BAZ1B: variants seen among roughly 807,000 people sequenced by gnomAD.
The protein encoded by BAZ1B is tyrosine-protein kinase BAZ1B.
A neutral mutation model predicts 153.8 loss-of-function variants in BAZ1B; 22 were observed. That is an observed-to-expected ratio of 0.14 (90% confidence interval 0.10 to 0.20). The LOEUF is 0.20. Among genes scored for constraint, BAZ1B ranks in the 10% least tolerant of loss-of-function variants. The pLI, the probability that BAZ1B is intolerant of heterozygous loss-of-function variation, is 1.00. For missense variants in BAZ1B, 1,325 were observed against 1,799.3 expected, an observed-to-expected ratio of 0.74 and a Z score of 4.77; for synonymous variants, 676 against 633.4, an observed-to-expected ratio of 1.07 and a Z score of -1.01.
chr7:73,465,424 A>T lies in BAZ1B; in HGVS notation c.3071+15T>A, dbSNP rs782269830. On this transcript the variant is annotated intron_variant, in intron 11 of 19. Coordinates refer to ENST00000339594, the MANE Select transcript of BAZ1B (RefSeq NM_032408.4). ...AGAGAAGTAAGATGTGAGGAGTAAGATGAAAACCTCTTACCTCTTCTCTAG... is the reference window on the plus strand; with the variant it reads ...AGAGAAGTAAGATGTGAGGAGTAAGTTGAAAACCTCTTACCTCTTCTCTAG... The T allele has an allele frequency of 4.6e-6, 7 of 1,527,716 alleles. No homozygotes were observed. The Admixed American group carries it at 7.6e-5, about 17-fold the overall frequency. The allele number at this position is 1,527,716 out of a possible 1,614,324, so 94.6% of individuals were successfully genotyped here. A position where few individuals can be genotyped will look rare whatever the true frequency, so the allele number is the denominator to read the frequency against.
At chr7:73,462,429 T>G (rs1333255968) in intron 12 of BAZ1B, 1 of 162,206 alleles carries the variant, frequency 6.2e-6, no homozygotes, top group Non-Finnish European at 1.4e-5. Context: ...TGGGATCTTT[T>G]GAAAAGTTTC....
intron 1 of BAZ1B, among the ~76,000 whole-genome samples, chr7:73,517,035 T>C (rs563722447): frequency 1.0e-3 from 153 of 149,186 alleles, no homozygotes; most frequent in African/African-American, 3.6e-3. Context: ...TACAAAAAAT[T>C]AGCCAGGCGT....
chr7:73,469,078 C>T (rs1239629536), intron 9 of BAZ1B, among the ~76,000 whole-genome samples: 1 of 149,266 alleles, frequency 6.7e-6, no homozygotes, highest in Non-Finnish European at 1.5e-5. Flanking sequence ...TGCAGTGAGC[C>T]GAGATCACGC....
chr7:73,497,065 C>CAAAAAAAAAA (rs1156829240), intron 4 of BAZ1B, among the ~76,000 whole-genome samples: 6 of 49,518 alleles, frequency 1.2e-4, no homozygotes, highest in African/African-American at 4.4e-4. Flanking sequence ...CTGACCTCTA[C>CAAAAAAAAAA]AAAAAAAAAA....
chr7:73,455,887 C>A (rs1788180478), intron 13 of BAZ1B, among the ~76,000 whole-genome samples: 2 of 152,140 alleles, frequency 1.3e-5, no homozygotes, highest in Admixed American at 6.6e-5. Flanking sequence ...AAGTGAGAAA[C>A]TGAAGACTGT....
chr7:73,469,457 C>G (rs1180021306), intron 9 of BAZ1B, 60 bp downstream of exon 9: 1 of 1,594,258 alleles, frequency 6.3e-7, no homozygotes, highest in Non-Finnish European at 8.6e-7. Context: ...AAAAGCAGTC[C>G]TTAATGTTGA....
Position 73,459,708 on chromosome 7 carries a change from A to G in BAZ1B, c.3260T>C (p.Leu1087Ser), listed in dbSNP as rs782631168. Residue 1087 changes from leucine (L) to serine (S), a missense_variant, in exon 13 of 20, where the codon TTA (leucine) becomes TCA (serine). By Grantham distance (145) the Leu-to-Ser change is moderately radical. Transcript: ENST00000339594. ...TSEFEARVIS[L>S]EKLKDFGECV... is the part of the protein sequence containing the mutation. The stretch of plus-strand genomic sequence containing the variant: ...CTCACCAAAATCCTTCAATTTCTCT[A>G]ATGAAATGACCTATAGGAAAGGATT... 5 of 1,605,618 alleles carry G rather than the reference A, an allele frequency of 3.1e-6. No homozygotes were observed. The highest frequency in any genetic ancestry group is 3.4e-6 in the Non-Finnish European group (4 of 1,177,504).
At chr7:73,457,882 A>T (rs1393118391) in intron 13 of BAZ1B, among the ~76,000 whole-genome samples, 1 of 152,194 alleles carries the variant, frequency 6.6e-6, no homozygotes, top group Non-Finnish European at 1.5e-5. Flanking sequence ...GCTGGAAGGA[A>T]GGAGTGTTCA....
At chr7:73,470,897 G>C (rs114149474) in intron 7 of BAZ1B, among the ~76,000 whole-genome samples, 2,223 of 152,208 alleles carry the variant, frequency 0.015, 58 homozygotes, top group African/African-American at 0.051. Context: ...ACCGTGTCCA[G>C]CTAATTTTTA....
chr7:73,442,918 G>A lies in BAZ1B; in HGVS notation c.3991-90C>T. ...AAAATAAGTGTATCTGCTCAAAAAA[G>A]GAAGAGAGTTCAACTATTTCCTTGG... On this transcript the variant is annotated intron_variant, in intron 17 of 19. Transcript: ENST00000339594. 5.1e-6 allele frequency: 5 copies of A among 972,578 alleles called. No individual in the cohort carries two copies. The South Asian group carries it at 7.4e-5, about 14-fold the overall frequency. 60.2% of individuals were successfully genotyped at this position (972,578 alleles called of 1,614,324 possible).
At chr7:73,466,054 A>G (rs782675460) in intron 10 of BAZ1B, among the ~76,000 whole-genome samples, 7 of 152,238 alleles carry the variant, frequency 4.6e-5, no homozygotes, top group Non-Finnish European at 7.3e-5. Flanking sequence ...GATCTATCAC[A>G]TAATATACAA....
chr7:73,511,449 A>T (rs556401549), intron 1 of BAZ1B, among the ~76,000 whole-genome samples: 86 of 152,070 alleles, frequency 5.7e-4, no homozygotes, highest in African/African-American at 1.9e-3. Flanking sequence ...CAATCACTTG[A>T]GACCAGGAGT....
chr7:73,497,602 C>T (rs918006632), intron 4 of BAZ1B, among the ~76,000 whole-genome samples: 2 of 151,840 alleles, frequency 1.3e-5, no homozygotes, highest in Non-Finnish European at 2.9e-5. Context: ...TTCTAGGTTA[C>T]TCAGTTCGTC....
At chr7:73,492,741 C>T (rs1789702158) in intron 5 of BAZ1B, 59 bp downstream of exon 5, 1 of 1,479,506 alleles carries the variant, frequency 6.8e-7, no homozygotes, top group Non-Finnish European at 9.1e-7. Context: ...ACAAAAGCAA[C>T]CCTATGATAT....
intron 4 of BAZ1B, among the ~76,000 whole-genome samples, chr7:73,497,055 C>A (rs1338495329): frequency 1.5e-4 from 15 of 97,310 alleles, no homozygotes; most frequent in Non-Finnish European, 2.8e-4. Flanking sequence ...ATCGTGAGAA[C>A]TGACCTCTAC....
At chr7:73,442,152 TA>T in intron 19 of BAZ1B, 28 bp downstream of exon 19, 3 of 192,218 alleles carry the variant, frequency 1.6e-5, no homozygotes, top group Non-Finnish European at 2.0e-5. Context: ...CCACCCTCCC[TA>T]GCTGTCCCCC....
intron 3 of BAZ1B, among the ~76,000 whole-genome samples, chr7:73,506,349 A>G (rs1790340781): frequency 6.6e-6 from 1 of 151,900 alleles, no homozygotes; most frequent in South Asian, 2.1e-4. Context: ...ATACAAAAAA[A>G]TTAGCCGGGG....
Position 73,489,404 on chromosome 7 carries a change from G to T in BAZ1B, c.694-13C>A. 1 of 1,613,806 alleles carries T rather than the reference G, an allele frequency of 6.2e-7. No homozygotes were observed. The highest frequency in any genetic ancestry group is 1.3e-5 in the African/African-American group (1 of 75,004). On this transcript the variant is annotated splice_polypyrimidine_tract_variant and intron_variant, in intron 5 of 19. Coordinates refer to ENST00000339594, the MANE Select transcript of BAZ1B (RefSeq NM_032408.4). ...CGTTACTGATGATCTAGGTTAAAAA[G>T]AAACAAATAACTCACCACTGGGGTA...
intron 13 of BAZ1B, among the ~76,000 whole-genome samples, chr7:73,455,000 C>T (rs1788141755): frequency 6.6e-6 from 1 of 151,986 alleles, no homozygotes; most frequent in African/African-American, 2.4e-5. Flanking sequence ...GGACTACAGG[C>T]TCGCGCCACC....
Sources: gnomAD v4.1 joint callset for allele counts (sites outside exome capture counted in the v4.1 genomes callset) on GRCh38, gnomAD v4.1.1 for gene constraint, MANE v1.5 for transcripts, NCBI Gene and HGNC (gene_info 2026-07-23, HGNC 2026-07-21) for gene names.